The following CIT variants were observed in gnomAD, a reference collection of about 807,000 sequenced individuals.
CIT encodes citron Rho-interacting kinase.
Under a neutral mutation model 272.7 loss-of-function variants are expected in CIT, and 79 were observed. That is an observed-to-expected ratio of 0.29 (90% CI 0.24 to 0.35). The LOEUF is 0.35. Among genes scored for constraint, CIT ranks in the 10% least tolerant of loss-of-function variants. CIT has a pLI of 1.00. For synonymous variants in CIT, 948 were observed against 995.6 expected, an observed-to-expected ratio of 0.95 and a Z score of 0.90; for missense variants, 1,909 against 2,618.3, an observed-to-expected ratio of 0.73 and a Z score of 5.91.
chr12:119,855,722 C>T (rs1970543988), intron 4 of CIT, among the ~76,000 whole-genome samples: 1 of 152,162 alleles, frequency 6.6e-6, no homozygotes, highest in South Asian at 2.1e-4. Context: ...TTATAAGCCC[C>T]CAGCCCACAC....
intron 7 of CIT, among the ~76,000 whole-genome samples, chr12:119,825,767 T>G (rs1968111966): frequency 6.6e-6 from 1 of 152,202 alleles, no homozygotes; most frequent in South Asian, 2.1e-4. Context: ...ACCTAACCAT[T>G]ACTAGAAAAC....
At chr12:119,815,014 G>A (rs1207721629) in intron 9 of CIT, among the ~76,000 whole-genome samples, 2 of 148,382 alleles carry the variant, frequency 1.3e-5, no homozygotes, top group Non-Finnish European at 3.0e-5. Flanking sequence ...CTCCAGCCTG[G>A]CTGACAGAGG....
At chr12:119,828,549 C>T (rs1263376029) in intron 7 of CIT, among the ~76,000 whole-genome samples, 1 of 151,842 alleles carries the variant, frequency 6.6e-6, no homozygotes, top group Non-Finnish European at 1.5e-5. Flanking sequence ...TGATAGGGCC[C>T]AAGTACTACT....
intron 5 of CIT, among the ~76,000 whole-genome samples, chr12:119,846,375 A>G (rs1442691167): frequency 6.6e-6 from 1 of 152,220 alleles, no homozygotes; most frequent in African/African-American, 2.4e-5. Flanking sequence ...CTTACTTTTA[A>G]GAATAAGTTG....
chr12:119,700,793 G>A lies in CIT; in HGVS notation c.5575C>T (p.Arg1859Cys), dbSNP rs771155127. ...CACTTGAGATCGTCTGTGCGGCTAC[G>A]TCTTCCGTAAGAATCCACGAACACT... ...FGVFVDSYGR[R>C]SRTDDLKWSR... is the part of the protein sequence containing the mutation. Residue 1859 changes from arginine to cysteine, a missense_variant, in exon 44 of 48, where the codon CGT becomes TGT. Transcript: ENST00000392521. 40 of 1,613,868 alleles carry A rather than the reference G, an allele frequency of 2.5e-5. No individual in the cohort carries two copies. In the East Asian group the frequency reaches 3.6e-4, roughly 14 times the overall value.
intron 19 of CIT, 98 bp from the exon 20 acceptor site, chr12:119,761,153 AG>A: frequency 1.1e-6 from 1 of 931,758 alleles, no homozygotes; most frequent in East Asian, 2.4e-5. Flanking sequence ...AGAGGAGAAA[AG>A]CAGGGGAGAG....
chr12:119,806,672 A>T (rs931611425), intron 9 of CIT, among the ~76,000 whole-genome samples: 2 of 146,240 alleles, frequency 1.4e-5, no homozygotes, highest in African/African-American at 5.1e-5. Context: ...ATAAATTCAC[A>T]ATTAAAAAGT....
At position 119,712,031 on chromosome 12, in the gene CIT, T is replaced by C. The variant is rs965111520; in HGVS notation, c.4854+147A>G. On this transcript the variant is annotated intron_variant, in intron 37 of 47. Transcript: ENST00000392521. This position sits in a 1 kb window ranked among gnomAD's most constrained non-coding sequence, Gnocchi z 5.2. The stretch of plus-strand genomic sequence containing the variant: ...TGTGCCTTCATCACCACCAGACTCC[T>C]GGCCATGACACAGTCTAGAGCCATC... The C allele has an allele frequency of 1.5e-6, 1 of 679,366 alleles. No individual in the cohort carries two copies. The highest frequency in any genetic ancestry group is 2.4e-6 in the Non-Finnish European group (1 of 421,380). 42.1% of individuals were successfully genotyped at this position (679,366 alleles called of 1,614,324 possible).
rs540280777 is a variant in CIT at position 119,826,195 on chromosome 12, A to C, written c.754-827T>G. Among the ~76,000 whole-genome samples the C allele has an allele frequency of 2.0e-5, 3 of 152,280 alleles. No individual in the cohort carries two copies. In the South Asian group the frequency reaches 6.2e-4, roughly 32 times the overall value. ...CTTCAACCCACCCACAGGGCAAGAC[A>C]TGATAATTAACTTCCACCCAGGGCC... is the stretch of plus-strand genomic sequence containing the variant. On this transcript the variant is annotated intron_variant, in intron 7 of 47. Coordinates refer to ENST00000392521, the MANE Select transcript of CIT (RefSeq NM_001206999.2).
intron 5 of CIT, among the ~76,000 whole-genome samples, chr12:119,840,774 C>T (rs1969357057): frequency 6.6e-6 from 1 of 152,108 alleles, no homozygotes; most frequent in African/African-American, 2.4e-5. Context: ...TGAGACATGC[C>T]TGAAAAATCA....
intron 28 of CIT, among the ~76,000 whole-genome samples, chr12:119,726,092 T>G (rs970201531): frequency 6.6e-6 from 1 of 152,078 alleles, no homozygotes; most frequent in Non-Finnish European, 1.5e-5. Context: ...CGACATAAAA[T>G]TTACCATTTT....
chr12:119,747,446 C>T (rs1368023229), intron 23 of CIT, among the ~76,000 whole-genome samples: 4 of 146,774 alleles, frequency 2.7e-5, no homozygotes, highest in Non-Finnish European at 3.0e-5. Context: ...TTAGGCCTGG[C>T]GCAGTGGCTC....
intron 23 of CIT, among the ~76,000 whole-genome samples, chr12:119,746,972 G>A (rs916942720): frequency 5.3e-5 from 8 of 152,130 alleles, no homozygotes; most frequent in Non-Finnish European, 8.8e-5. Flanking sequence ...ACAGCAAAAC[G>A]CATAAGACAA....
At chr12:119,709,023 TCAGA>T (rs59259490) in intron 39 of CIT, among the ~76,000 whole-genome samples, 14,380 of 152,026 alleles carry the variant, frequency 0.095, 1,815 homozygotes, top group African/African-American at 0.3. Flanking sequence ...GAGGAACCGT[TCAGA>T]TTAAAGGAGA....
chr12:119,857,737 C>G (rs374315115), intron 3 of CIT, 39 bp from the exon 4 acceptor site: 2 of 1,527,072 alleles, frequency 1.3e-6, no homozygotes, highest in African/African-American at 2.8e-5. Context: ...GTAAATAAAG[C>G]ATGCAAATAT....
chr12:119,807,857 T>C (rs548199956), intron 9 of CIT, among the ~76,000 whole-genome samples: 2 of 151,342 alleles, frequency 1.3e-5, no homozygotes, highest in Admixed American at 6.6e-5. Context: ...AGAAATCATA[T>C]AGTAAGACCT....
intron 13 of CIT, among the ~76,000 whole-genome samples, chr12:119,777,254 C>CA (rs1432858624): frequency 1.6e-4 from 24 of 146,760 alleles, no homozygotes; most frequent in East Asian, 6.1e-4. Context: ...GACTCCGTCT[C>CA]AAAAAAAAAC....
chr12:119,773,451 A>G (rs546243298), intron 16 of CIT, among the ~76,000 whole-genome samples: 1 of 151,974 alleles, frequency 6.6e-6, no homozygotes, highest in South Asian at 2.1e-4. Context: ...TTTTTTTTTG[A>G]GACGGAGTTT....
chr12:119,757,134 G>A (rs1461731448), intron 22 of CIT, among the ~76,000 whole-genome samples: 3 of 146,710 alleles, frequency 2.0e-5, no homozygotes, highest in African/African-American at 7.8e-5. Flanking sequence ...AAAAAAAAAA[G>A]AGGTTAGCAC....
Sources: gnomAD v4.1 joint callset for allele counts (sites outside exome capture counted in the v4.1 genomes callset) on GRCh38, gnomAD v4.1.1 for gene constraint, Gnocchi (gnomAD v3.1) non-coding constraint, MANE v1.5 for transcripts, NCBI Gene and HGNC (gene_info 2026-07-23, HGNC 2026-07-21) for gene names.